The following NPIPA1 variants were observed in gnomAD, a reference collection of about 807,000 sequenced individuals.
NPIPA1 encodes the protein nuclear pore complex interacting protein family member A1, also known as nuclear pore complex-interacting protein family member A1.
For synonymous variants in NPIPA1, 7 were observed against 88.0 expected (o/e 0.08, Z 5.15); for missense variants, 22 against 232.2 (o/e 0.09, Z 5.88).
intron 4 of NPIPA1, among the ~76,000 whole-genome samples, chr16:14,947,358 T>G (rs1167282794): frequency 1.3e-5 from 2 of 151,900 alleles, no homozygotes; most frequent in Non-Finnish European, 2.9e-5. Context: ...TGAGGTCGTC[T>G]CTGCAGGCTC....
At chr16:14,937,817 A>C (rs1965652186) in intron 1 of NPIPA1, among the ~76,000 whole-genome samples, 1 of 140,590 alleles carries the variant, frequency 7.1e-6, no homozygotes, top group African/African-American at 2.6e-5. Context: ...CAGGGTTGCT[A>C]AGGGAGGGCC....
At chr16:14,944,856 G>A (rs1474922845) in intron 2 of NPIPA1, among the ~76,000 whole-genome samples, 8 of 151,012 alleles carry the variant, frequency 5.3e-5, no homozygotes, top group South Asian at 2.1e-4. Context: ...CACCCGCCTC[G>A]GCCTCCCAAA....
Position 14,951,792 on chromosome 16 carries a change from C to G in NPIPA1, c.820C>G (p.Leu274Val), listed in dbSNP as rs1403963303. ...KTPSECLLTP[L>V]PPSALPSADD... ...ACCTTCCGAGTGTCTGCTCACTCCC[C>G]TTCCACCCTCAGCTCTACCCTCAGC... is the stretch of plus-strand genomic sequence containing the variant. The change falls in exon 8 of 8, where the codon CTT becomes GTT. Residue 274 changes from leucine (L) to valine (V), a missense_variant. Leu to Val is a conservative substitution (Grantham distance 32). Coordinates refer to ENST00000328085, the MANE Select transcript of NPIPA1 (RefSeq NM_006985.4). The G allele has an allele frequency of 5.1e-6, 8 of 1,559,318 alleles. 2 individuals are homozygous for G. Among genetic ancestry groups the G allele is most frequent in the Admixed American group, 3.6e-5 (2 of 56,318 alleles).
intron 4 of NPIPA1, among the ~76,000 whole-genome samples, chr16:14,948,562 A>G (rs1763885060): frequency 6.6e-6 from 1 of 152,066 alleles, no homozygotes; most frequent in African/African-American, 2.4e-5. Context: ...TGAATTGGTG[A>G]GGTCTGGTTT....
chr16:14,944,948 G>C (rs1436987796), intron 2 of NPIPA1, among the ~76,000 whole-genome samples: 31 of 100,730 alleles, frequency 3.1e-4, no homozygotes, highest in Middle Eastern at 0.01. Flanking sequence ...TTTGAATTTT[G>C]TTGCCCATGT....
At chr16:14,949,878 T>G in intron 5 of NPIPA1, 172 bp from the exon 6 acceptor site, 1 of 467,994 alleles carries the variant, frequency 2.1e-6, no homozygotes, top group Non-Finnish European at 3.8e-6. Flanking sequence ...ATTACAGGCG[T>G]CAGCCACCGT....
rs569364779 is a variant in NPIPA1 at position 14,949,580 on chromosome 16, C to T, written c.546-470C>T. 1.3e-5 allele frequency: 8 copies of T among 607,730 alleles called. No individual in the cohort carries two copies. In the East Asian group the frequency reaches 4.7e-4, roughly 36 times the overall value. 37.6% of individuals were successfully genotyped at this position (607,730 alleles called of 1,614,324 possible). Reference sequence around the variant, plus strand: ...TAGCAACAGTTTGGATCAGACTGTACAGTTTTTTTGTTTTTGTTTTTGTTT... The same window carrying T: ...TAGCAACAGTTTGGATCAGACTGTATAGTTTTTTTGTTTTTGTTTTTGTTT... On this transcript the variant is annotated intron_variant, in intron 5 of 7. Coordinates refer to ENST00000328085, the MANE Select transcript of NPIPA1 (RefSeq NM_006985.4).
intron 2 of NPIPA1, among the ~76,000 whole-genome samples, chr16:14,943,570 T>A (rs1363672060): frequency 2.0e-5 from 3 of 149,200 alleles, no homozygotes; most frequent in African/African-American, 2.5e-5. Context: ...TCTAGTCATC[T>A]ATACCATTAC....
intron 1 of NPIPA1, among the ~76,000 whole-genome samples, chr16:14,940,721 G>T (rs1965730810): frequency 8.2e-6 from 1 of 122,540 alleles, no homozygotes; most frequent in African/African-American, 3.2e-5. Flanking sequence ...AAAAATAAAA[G>T]ATAAGATAAT....
At chr16:14,940,550 G>T (rs1214195906) in intron 1 of NPIPA1, among the ~76,000 whole-genome samples, 17 of 129,498 alleles carry the variant, frequency 1.3e-4, no homozygotes, top group African/African-American at 4.1e-4. Flanking sequence ...CTACTAAAAA[G>T]ACAAAAATTA....
chr16:14,940,568 G>A (rs1380672981), intron 1 of NPIPA1, among the ~76,000 whole-genome samples: 3 of 133,636 alleles, frequency 2.2e-5, no homozygotes, highest in Admixed American at 1.6e-4. Context: ...TTAGCCGAGC[G>A]TGGTGGCAGG....
chr16:14,943,868 G>T (rs1374895433), intron 2 of NPIPA1, among the ~76,000 whole-genome samples: 1 of 151,512 alleles, frequency 6.6e-6, no homozygotes, highest in Non-Finnish European at 1.5e-5. Context: ...ATTATTTCAG[G>T]CCAGGTGTGG....
At chr16:14,947,354 C>A (rs1411466136) in intron 4 of NPIPA1, among the ~76,000 whole-genome samples, 2 of 151,940 alleles carry the variant, frequency 1.3e-5, no homozygotes, top group African/African-American at 2.4e-5. Context: ...CAATTGAGGT[C>A]GTCTCTGCAG....
chr16:14,946,832 C>A (rs1289580007), intron 4 of NPIPA1, among the ~76,000 whole-genome samples: 2 of 151,780 alleles, frequency 1.3e-5, no homozygotes, highest in African/African-American at 4.8e-5. Context: ...GTAGCTGGGA[C>A]TACAGGCATA....
At chr16:14,945,227 G>GTTGTGT (rs748459839) in intron 2 of NPIPA1, among the ~76,000 whole-genome samples, 11,431 of 134,372 alleles carry the variant, frequency 0.085, 232 homozygotes, top group East Asian at 0.11. Context: ...ATTCTTGTGT[G>GTTGTGT]GTGTGTGTGT....
chr16:14,943,447 C>G (rs563111562), intron 2 of NPIPA1, among the ~76,000 whole-genome samples: 1 of 147,866 alleles, frequency 6.8e-6, no homozygotes, highest in East Asian at 2.1e-4. Context: ...TGAGCCACCA[C>G]GTGAGCCAGG....
intron 4 of NPIPA1, among the ~76,000 whole-genome samples, chr16:14,946,215 T>TA (rs1292219657): frequency 7.4e-5 from 8 of 107,892 alleles, no homozygotes; most frequent in African/African-American, 3.0e-4. Flanking sequence ...GCATTGGTTT[T>TA]CCTTTCTCTC....
chr16:14,944,848 C>T (rs1965842643), intron 2 of NPIPA1, among the ~76,000 whole-genome samples: 1 of 151,490 alleles, frequency 6.6e-6, no homozygotes, highest in African/African-American at 2.4e-5. Flanking sequence ...TTGTGATTCA[C>T]CCGCCTCGGC....
chr16:14,940,600 A>T (rs1377116248), intron 1 of NPIPA1, among the ~76,000 whole-genome samples: 11 of 140,788 alleles, frequency 7.8e-5, no homozygotes, highest in Non-Finnish European at 1.7e-4. Flanking sequence ...CCAGTTACTC[A>T]GTAGCTGAGG....
Sources: allele counts gnomAD v4.1 joint callset (sites outside exome capture counted in the v4.1 genomes callset), GRCh38; gene constraint gnomAD v4.1.1; transcripts MANE v1.5; gene names NCBI Gene and HGNC (gene_info 2026-07-23, HGNC 2026-07-21).